SMARCC1: variants seen among roughly 807,000 people sequenced by gnomAD.
SMARCC1 encodes SWI/SNF related BAF chromatin remodeling complex subunit C1.
A neutral mutation model predicts 147.4 loss-of-function variants in SMARCC1; 43 were observed. The observed-to-expected ratio is 0.29, with a 90% CI of 0.23 to 0.38. The LOEUF is 0.38. SMARCC1 is among the 10% of genes least tolerant of loss of function. The pLI, the probability that SMARCC1 is intolerant of heterozygous loss-of-function variation, is 1.00. For synonymous variants in SMARCC1, 495 were observed against 484.4 expected (o/e 1.02, Z -0.29); for missense variants, 1,119 against 1,381.1 (o/e 0.81, Z 3.01).
intron 21 of SMARCC1, among the ~76,000 whole-genome samples, chr3:47,650,317 A>C (rs1396132312): frequency 6.8e-6 from 1 of 147,486 alleles, no homozygotes; most frequent in South Asian, 2.1e-4. Flanking sequence ...TATTATTATT[A>C]TTCAAGAAAA....
chr3:47,678,067 C>G (rs1257840019), intron 16 of SMARCC1, 131 bp downstream of exon 16: 6 of 448,186 alleles, frequency 1.3e-5, no homozygotes, highest in African/African-American at 8.2e-5. Flanking sequence ...ATATAATCAA[C>G]CCCTAAATGG....
chr3:47,684,024 G>A (rs545579618), intron 14 of SMARCC1, among the ~76,000 whole-genome samples: 9 of 152,228 alleles, frequency 5.9e-5, no homozygotes, highest in Non-Finnish European at 1.0e-4. Flanking sequence ...AGGCCGAGGC[G>A]GGCGGATCAC....
intron 5 of SMARCC1, among the ~76,000 whole-genome samples, chr3:47,733,928 C>CAT (rs2034408893): frequency 6.8e-6 from 1 of 146,526 alleles, no homozygotes; most frequent in South Asian, 2.1e-4. Flanking sequence ...CTTGTATATA[C>CAT]ATATATACAA....
chr3:47,663,527 CTT>C, intron 19 of SMARCC1: 1 of 892,772 alleles, frequency 1.1e-6, no homozygotes, highest in South Asian at 1.6e-5. Context: ...GAGAGGATCT[CTT>C]GAGCCCAGGG....
intron 5 of SMARCC1, among the ~76,000 whole-genome samples, chr3:47,733,959 AC>A (rs1200892078): frequency 6.6e-6 from 1 of 151,842 alleles, no homozygotes; most frequent in African/African-American, 2.4e-5. Flanking sequence ...ACATGTATAC[AC>A]ATATATGTAC....
At chr3:47,716,234 T>C (rs893995950) in intron 7 of SMARCC1, among the ~76,000 whole-genome samples, 5 of 151,410 alleles carry the variant, frequency 3.3e-5, no homozygotes, top group African/African-American at 1.2e-4. Flanking sequence ...CTGGCCAACA[T>C]GGTGAAATCC....
At chr3:47,638,823 A>C in intron 21 of SMARCC1, 43 bp from the exon 22 acceptor site, 1 of 1,355,652 alleles carries the variant, frequency 7.4e-7, no homozygotes, top group Non-Finnish European at 1.1e-6. Flanking sequence ...ATGTGGAAAA[A>C]GGTAAAAGCT....
rs564307924 is a variant in SMARCC1 at position 47,676,886 on chromosome 3, T to C, written c.1572-104A>G. 17 of 955,694 alleles carry C rather than the reference T, an allele frequency of 1.8e-5. No individual in the cohort carries two copies. The East Asian group carries it at 4.3e-4, about 24-fold the overall frequency. The allele number at this position is 955,694 out of a possible 1,614,324, so 59.2% of individuals were successfully genotyped here. On this transcript the variant is annotated intron_variant, in intron 16 of 27. Transcript: ENST00000254480. ...AAACAGAAACAATAAAACCAGTAAA[T>C]GTGCTCAGCAGGCTGTCAAACATCA...
intron 1 of SMARCC1, among the ~76,000 whole-genome samples, chr3:47,775,317 C>T (rs184223767): frequency 2.2e-3 from 330 of 151,044 alleles, no homozygotes; most frequent in African/African-American, 7.7e-3. Context: ...CCCACCACCA[C>T]GCCTGGCTAA....
rs144075537 is a variant in SMARCC1, at chr3:47,660,211, C to T, written c.2320+1083G>A. ...CTTATAATCCCAGCACTTTGGGAGG[C>T]CGAGGCGGGCAGATCACGAGGTCAG... On this transcript the variant is annotated intron_variant, in intron 21 of 27. Coordinates refer to ENST00000254480, the MANE Select transcript of SMARCC1 (RefSeq NM_003074.4). Among the ~76,000 whole-genome samples, 555 of 152,044 alleles carry T rather than the reference C, an allele frequency of 3.7e-3. 4 individuals carry two copies. Among genetic ancestry groups the T allele is most frequent in the African/African-American group, 9.6e-3 (396 of 41,464 alleles).
chr3:47,624,596 A>C (rs985402466), intron 24 of SMARCC1, among the ~76,000 whole-genome samples: 1 of 152,212 alleles, frequency 6.6e-6, no homozygotes, highest in Non-Finnish European at 1.5e-5. Context: ...GACATTCCTG[A>C]AATCAAGGAC....
intron 24 of SMARCC1, 68 bp downstream of exon 24, chr3:47,635,122 A>G (rs542705899): frequency 6.6e-5 from 91 of 1,383,462 alleles, no homozygotes; most frequent in Non-Finnish European, 8.9e-5. Context: ...AATGTTCCCA[A>G]TTAACTAAAA....
intron 26 of SMARCC1, among the ~76,000 whole-genome samples, chr3:47,599,153 G>A (rs1418523067): frequency 2.0e-5 from 3 of 152,146 alleles, no homozygotes; most frequent in Non-Finnish European, 4.4e-5. Flanking sequence ...TTGGGGGGCT[G>A]AGGAGGGCGG....
At chr3:47,624,921 A>T (rs949032338) in intron 24 of SMARCC1, among the ~76,000 whole-genome samples, 5 of 147,060 alleles carry the variant, frequency 3.4e-5, no homozygotes, top group African/African-American at 1.2e-4. Context: ...AAAAAGCTGG[A>T]TGTGGTGGCA....
chr3:47,732,211 G>C (rs1020333189), intron 5 of SMARCC1, among the ~76,000 whole-genome samples: 1 of 152,148 alleles, frequency 6.6e-6, no homozygotes, highest in Admixed American at 6.6e-5. Flanking sequence ...GGCTTCAAAC[G>C]TTCCTTCTGC....
At chr3:47,663,755 G>T in intron 19 of SMARCC1, 1 of 1,525,796 alleles carries the variant, frequency 6.6e-7, no homozygotes, top group East Asian at 2.3e-5. Context: ...CGAGAACCCG[G>T]TGGTACCCAT....
At chr3:47,688,188 A>T (rs1285285408) in intron 13 of SMARCC1, among the ~76,000 whole-genome samples, 1 of 152,078 alleles carries the variant, frequency 6.6e-6, no homozygotes. Context: ...AGAACCCGGG[A>T]GGCGGAGGTT....
At chr3:47,608,823 T>C in intron 26 of SMARCC1, among the ~76,000 whole-genome samples, 1 of 124,564 alleles carries the variant, frequency 8.0e-6, no homozygotes, top group South Asian at 2.5e-4. Flanking sequence ...CACTCCAGCC[T>C]AGACAACAGA....
At chr3:47,766,454 C>T (rs1451057751) in intron 2 of SMARCC1, among the ~76,000 whole-genome samples, 4 of 151,750 alleles carry the variant, frequency 2.6e-5, no homozygotes, top group African/African-American at 9.7e-5. Flanking sequence ...CTTGTCCCAA[C>T]TACTCAGGAG....
Sources: gnomAD v4.1 joint callset for allele counts (sites outside exome capture counted in the v4.1 genomes callset) on GRCh38, gnomAD v4.1.1 for gene constraint, MANE v1.5 for transcripts, NCBI Gene and HGNC (gene_info 2026-07-23, HGNC 2026-07-21) for gene names.